Variants in ELP4 observed in about 807,000 individuals in gnomAD.
ELP4 encodes the protein elongator complex protein 4.
ELP4 carries 51 observed loss-of-function variants against 48.9 expected under a neutral mutation model. The ratio of observed to expected loss-of-function variants is 1.04; its 90% CI spans 0.83 to 1.32. The LOEUF is 1.32. Among genes scored for constraint, ELP4 ranks in the 40% most tolerant of loss-of-function variants. ELP4 has a pLI of 0.00. For synonymous variants in ELP4, 210 were observed against 189.2 expected, an observed-to-expected ratio of 1.11 and a Z score of -0.90; for missense variants, 519 against 514.6, an observed-to-expected ratio of 1.01 and a Z score of -0.08.
intron 4 of ELP4, among the ~76,000 whole-genome samples, chr11:31,602,273 G>A (rs1345574317): frequency 6.6e-6 from 1 of 152,064 alleles, no homozygotes; most frequent in Non-Finnish European, 1.5e-5. Flanking sequence ...ATAAAGAATA[G>A]ATTATAGGCC....
intron 3 of ELP4, among the ~76,000 whole-genome samples, chr11:31,593,655 A>C (rs918711156): frequency 6.6e-6 from 1 of 152,192 alleles, no homozygotes; most frequent in Non-Finnish European, 1.5e-5. Context: ...TGAACTGGAC[A>C]TTCTAGTTGC....
At chr11:31,761,471 A>T (rs1947943504) in intron 9 of ELP4, among the ~76,000 whole-genome samples, 1 of 152,168 alleles carries the variant, frequency 6.6e-6, no homozygotes, top group Admixed American at 6.5e-5. Flanking sequence ...ATACTTTTTC[A>T]CCAGAATAGA....
At chr11:31,763,462 T>C (rs972599645) in intron 9 of ELP4, 4 of 1,610,600 alleles carry the variant, frequency 2.5e-6, no homozygotes, top group Non-Finnish European at 3.4e-6. Flanking sequence ...TCCTCCAGGC[T>C]TCTCATACTT....
intron 3 of ELP4, among the ~76,000 whole-genome samples, chr11:31,566,581 C>A (rs1298530681): frequency 6.6e-6 from 1 of 152,068 alleles, no homozygotes; most frequent in Non-Finnish European, 1.5e-5. Flanking sequence ...AACATTTATC[C>A]ACACCATAAT....
intron 3 of ELP4, among the ~76,000 whole-genome samples, chr11:31,546,786 T>G (rs1477473739): frequency 6.6e-6 from 1 of 152,004 alleles, no homozygotes; most frequent in Non-Finnish European, 1.5e-5. Flanking sequence ...ACAAACTGTC[T>G]CTCAGACCAC....
intron 9 of ELP4, among the ~76,000 whole-genome samples, chr11:31,736,321 T>C (rs1044914615): frequency 1.3e-5 from 2 of 152,068 alleles, no homozygotes; most frequent in East Asian, 3.9e-4. Flanking sequence ...ATACAAAAAT[T>C]AATTCAAGCT....
At chr11:31,721,598 A>G (rs1256359879) in intron 9 of ELP4, among the ~76,000 whole-genome samples, 1 of 151,960 alleles carries the variant, frequency 6.6e-6, no homozygotes, top group African/African-American at 2.4e-5. Flanking sequence ...GCCTTCTTTC[A>G]TTCAGCACAC....
chr11:31,757,756 G>A (rs529110695), intron 9 of ELP4, among the ~76,000 whole-genome samples: 9 of 152,198 alleles, frequency 5.9e-5, no homozygotes, highest in South Asian at 4.1e-4. Context: ...TACACAACAC[G>A]CCAGATGTAA....
At chr11:31,599,398 T>A (rs956211214) in intron 4 of ELP4, 6 of 152,040 alleles carry the variant, frequency 3.9e-5, no homozygotes, top group Admixed American at 6.6e-5. Context: ...TATGTAATGA[T>A]TTGCCAAGAC....
intron 5 of ELP4, among the ~76,000 whole-genome samples, chr11:31,608,489 G>T (rs1957916997): frequency 6.6e-6 from 1 of 151,726 alleles, no homozygotes; most frequent in African/African-American, 2.4e-5. Context: ...AATTTAGAGG[G>T]GTCTTTTAAC....
At chr11:31,510,669 T>G (rs560273271) in intron 1 of ELP4, 1 of 307,658 alleles carries the variant, frequency 3.3e-6, no homozygotes, top group South Asian at 1.6e-4. Flanking sequence ...TGATTGCTGC[T>G]ACATTCCATA....
intron 3 of ELP4, among the ~76,000 whole-genome samples, chr11:31,590,104 A>C (rs1957543115): frequency 6.6e-6 from 1 of 152,198 alleles, no homozygotes; most frequent in Non-Finnish European, 1.5e-5. Flanking sequence ...ATTATGTATT[A>C]AAAGTAATGG....
At chr11:31,685,404 A>G (rs534293874) in intron 9 of ELP4, among the ~76,000 whole-genome samples, 7 of 152,214 alleles carry the variant, frequency 4.6e-5, no homozygotes, top group Non-Finnish European at 1.0e-4. Context: ...AAAAAAATCT[A>G]AAGTTACTGA....
intron 9 of ELP4, among the ~76,000 whole-genome samples, chr11:31,751,986 A>T (rs1947731510): frequency 6.6e-6 from 1 of 152,246 alleles, no homozygotes; most frequent in Non-Finnish European, 1.5e-5. Context: ...AAGCTGTGTA[A>T]GAAAACTGAG....
chr11:31,690,408 C>A (rs533563983), intron 9 of ELP4, among the ~76,000 whole-genome samples: 1 of 151,870 alleles, frequency 6.6e-6, no homozygotes. Flanking sequence ...TGACCAAATA[C>A]CCCTTCTTTT....
intron 9 of ELP4, among the ~76,000 whole-genome samples, chr11:31,678,495 ATGTGTGTGTG>A (rs71060498): frequency 0.01 from 1,434 of 137,110 alleles, 27 homozygotes; most frequent in South Asian, 0.045. Flanking sequence ...ACATATATGT[ATGTGTGTGTG>A]TGTGTGTGTG....
intron 2 of ELP4, among the ~76,000 whole-genome samples, chr11:31,527,980 C>A (rs1317698930): frequency 1.3e-5 from 2 of 151,996 alleles, no homozygotes; most frequent in Admixed American, 6.6e-5. Context: ...GTCTCTAGAC[C>A]TTTGCTTATG....
chr11:31,513,683 T>C (rs1011695107), intron 1 of ELP4, among the ~76,000 whole-genome samples: 1 of 152,174 alleles, frequency 6.6e-6, no homozygotes, highest in Admixed American at 6.5e-5. Flanking sequence ...AGTCAGAGGT[T>C]TCTATTGGGG....
At chr11:31,693,392 G>A (rs777191485) in intron 9 of ELP4, among the ~76,000 whole-genome samples, 7 of 151,716 alleles carry the variant, frequency 4.6e-5, no homozygotes, top group Non-Finnish European at 8.8e-5. Context: ...TCCCACCTAT[G>A]AGTAAGAATA....
Sources: allele counts gnomAD v4.1 joint callset (sites outside exome capture counted in the v4.1 genomes callset), GRCh38; gene constraint gnomAD v4.1.1; transcripts MANE v1.5; gene names NCBI Gene and HGNC (gene_info 2026-07-23, HGNC 2026-07-21).